The following SEMA5A variants were observed in gnomAD, a reference collection of about 807,000 sequenced individuals.
SEMA5A encodes the protein semaphorin-5A.
SEMA5A carries 55 observed loss-of-function variants against 135.5 expected under a neutral mutation model. The ratio of observed to expected loss-of-function variants is 0.41; its 90% CI spans 0.33 to 0.51. The LOEUF is 0.51. SEMA5A is among the 20% of genes least tolerant of loss of function. SEMA5A has a pLI of 0.37. For synonymous variants in SEMA5A, 580 were observed against 546.5 expected, an observed-to-expected ratio of 1.06 and a Z score of -0.85; for missense variants, 1,290 against 1,419.9, an observed-to-expected ratio of 0.91 and a Z score of 1.47.
Position 9,190,271 on chromosome 5 carries a change from G to A in SEMA5A, c.1269C>T (p.Ala423=). 3 of 1,614,006 alleles carry A rather than the reference G, an allele frequency of 1.9e-6. No homozygotes were observed. The highest frequency in any genetic ancestry group is 2.2e-5 in the East Asian group (1 of 44,864). ...REALVHIIYL[A]TDYGTIKKVR... is the part of the protein sequence containing the mutation. ...AGAGGGGGCCAGAGCTCCTACCTGT[G>A]GCCAAATAGATGATGTGGACGAGCG... The change falls in exon 11 of 23, where the codon GCC becomes GCT. Residue 423 remains alanine (A), a synonymous_variant. Coordinates refer to ENST00000382496, the MANE Select transcript of SEMA5A (RefSeq NM_003966.3).
At chr5:9,250,160 G>A (rs1245262646) in intron 5 of SEMA5A, among the ~76,000 whole-genome samples, 1 of 152,122 alleles carries the variant, frequency 6.6e-6, no homozygotes, top group Non-Finnish European at 1.5e-5. Flanking sequence ...GTCATTGCAG[G>A]CAACCAGCAG....
chr5:9,404,588 C>A (rs1183742236), intron 2 of SEMA5A, among the ~76,000 whole-genome samples: 1 of 152,168 alleles, frequency 6.6e-6, no homozygotes, highest in East Asian at 1.9e-4. Context: ...AGGTTTCTTA[C>A]TTAATCAAAT....
chr5:9,315,621 G>A (rs570305873), intron 5 of SEMA5A, among the ~76,000 whole-genome samples: 33 of 152,202 alleles, frequency 2.2e-4, no homozygotes, highest in African/African-American at 7.0e-4. Flanking sequence ...ATATCTGAAG[G>A]GTAGAGGCCA....
chr5:9,132,703 G>T (rs1029687130), intron 13 of SEMA5A, among the ~76,000 whole-genome samples: 1 of 152,138 alleles, frequency 6.6e-6, no homozygotes, highest in South Asian at 2.1e-4. Flanking sequence ...TTGATCCAAG[G>T]TTTGTGAAAG....
At chr5:9,173,806 G>A (rs1257373547) in intron 11 of SEMA5A, among the ~76,000 whole-genome samples, 1 of 152,186 alleles carries the variant, frequency 6.6e-6, no homozygotes, top group Non-Finnish European at 1.5e-5. Flanking sequence ...CCAAGGAAAT[G>A]TTGATCTGAT....
intron 4 of SEMA5A, among the ~76,000 whole-genome samples, chr5:9,324,740 G>A (rs1752792342): frequency 1.3e-5 from 2 of 152,218 alleles, no homozygotes; most frequent in Admixed American, 1.3e-4. Context: ...GCAAGTGGCT[G>A]TCCTCCAAGG....
intron 2 of SEMA5A, among the ~76,000 whole-genome samples, chr5:9,386,153 C>G (rs945282387): frequency 6.6e-6 from 1 of 152,072 alleles, no homozygotes; most frequent in Non-Finnish European, 1.5e-5. Context: ...ATTTCTTAGC[C>G]CTGTTTTAAG....
At chr5:9,257,198 G>T (rs780564112) in intron 5 of SEMA5A, among the ~76,000 whole-genome samples, 10 of 152,146 alleles carry the variant, frequency 6.6e-5, no homozygotes, top group Admixed American at 5.9e-4. Flanking sequence ...TTTGCATCTG[G>T]CAATAATCCA....
At chr5:9,146,683 A>G (rs186239284) in intron 12 of SEMA5A, among the ~76,000 whole-genome samples, 33 of 152,256 alleles carry the variant, frequency 2.2e-4, no homozygotes, top group Admixed American at 2.6e-4. Context: ...TTACACCAGA[A>G]TTTCTTATTA....
At chr5:9,265,386 A>G (rs765640056) in intron 5 of SEMA5A, 2 of 455,668 alleles carry the variant, frequency 4.4e-6, no homozygotes. Context: ...CATATAATTT[A>G]TCTAACAAGT....
intron 5 of SEMA5A, among the ~76,000 whole-genome samples, chr5:9,290,202 C>A (rs1450786956): frequency 2.0e-5 from 3 of 152,102 alleles, no homozygotes; most frequent in Non-Finnish European, 4.4e-5. Flanking sequence ...TCCCTCACCC[C>A]CTCCCACCCT....
At chr5:9,240,853 C>T (rs1579690081) in intron 5 of SEMA5A, among the ~76,000 whole-genome samples, 1 of 152,040 alleles carries the variant, frequency 6.6e-6, no homozygotes, top group East Asian at 1.9e-4. Context: ...GATGTTTTTC[C>T]ACTAACCCAA....
At chr5:9,201,059 CA>C (rs557452298) in intron 9 of SEMA5A, among the ~76,000 whole-genome samples, 75 of 152,298 alleles carry the variant, frequency 4.9e-4, no homozygotes, top group Non-Finnish European at 8.8e-4. Context: ...TACAAATATT[CA>C]GCTTTTGCTT....
intron 13 of SEMA5A, among the ~76,000 whole-genome samples, chr5:9,134,543 A>C (rs556057489): frequency 6.6e-6 from 1 of 152,364 alleles, no homozygotes; most frequent in Admixed American, 6.5e-5. Flanking sequence ...ACTCCAGCCC[A>C]CAAACACTAG....
At position 9,153,465 on chromosome 5, in the gene SEMA5A, G is replaced by A. The variant is rs1037332874; in HGVS notation, c.1481+1023C>T. ...CTGTGGTTGATCGTGGATGTCCCAC[G>A]GAAGATAAGACTGGCCTGAGGGTGA... On this transcript the variant is annotated intron_variant, in intron 12 of 22. Transcript: ENST00000382496. Among the ~76,000 whole-genome samples, 39 of 152,106 alleles carry A rather than the reference G, an allele frequency of 2.6e-4. 1 individual carries two copies. Among genetic ancestry groups the A allele is most frequent in the African/African-American group, 8.5e-4 (35 of 41,402 alleles).
At chr5:9,234,268 C>T (rs2150442426) in intron 6 of SEMA5A, among the ~76,000 whole-genome samples, 1 of 152,274 alleles carries the variant, frequency 6.6e-6, no homozygotes, top group African/African-American at 2.4e-5. Flanking sequence ...GGTCCAGTTG[C>T]CCCTGTTCAT....
chr5:9,435,757 T>G (rs1056265227), intron 2 of SEMA5A, among the ~76,000 whole-genome samples: 21 of 152,238 alleles, frequency 1.4e-4, no homozygotes, highest in African/African-American at 5.1e-4. Context: ...CTTACATACC[T>G]ATGACTGCTT....
At chr5:9,064,191 T>A (rs1224257987) in intron 17 of SEMA5A, among the ~76,000 whole-genome samples, 1 of 152,138 alleles carries the variant, frequency 6.6e-6, no homozygotes, top group East Asian at 1.9e-4. Context: ...GGTGAATCAA[T>A]AAAGAAAAAC....
chr5:9,455,055 A>C (rs930082004), intron 1 of SEMA5A, among the ~76,000 whole-genome samples: 1 of 152,132 alleles, frequency 6.6e-6, no homozygotes, highest in African/African-American at 2.4e-5. Flanking sequence ...AGAATAATTT[A>C]TGAGTGACAA....
Sources: allele counts gnomAD v4.1 joint callset (sites outside exome capture counted in the v4.1 genomes callset), GRCh38; gene constraint gnomAD v4.1.1; transcripts MANE v1.5; gene names NCBI Gene and HGNC (gene_info 2026-07-23, HGNC 2026-07-21).